Variants in CDH23 observed in about 807,000 individuals in gnomAD.
CDH23 encodes the protein cadherin related 23, also known as cadherin-23.
Under a neutral mutation model 317.1 loss-of-function variants are expected in CDH23, and 189 were observed. The observed-to-expected ratio is 0.60, with a 90% CI of 0.53 to 0.67. CDH23 has a LOEUF of 0.67. Among genes scored for constraint, CDH23 ranks in the 30% least tolerant of loss-of-function variants. The probability of loss-of-function intolerance (pLI) is 0.00; values close to 1 mark genes in which losing one functional copy is unlikely to be tolerated. For missense variants in CDH23, 4,401 were observed against 4,592.4 expected (o/e 0.96, Z 1.20); for synonymous variants, 1,839 against 1,876.8 (o/e 0.98, Z 0.52).
chr10:71,760,231 G>A (rs1384652301), intron 38 of CDH23, among the ~76,000 whole-genome samples: 1 of 22,036 alleles, frequency 4.5e-5, no homozygotes, highest in Admixed American at 3.8e-4. Context: ...GTATATATAT[G>A]TATATACATA....
intron 41 of CDH23, among the ~76,000 whole-genome samples, chr10:71,780,803 G>A (rs12245631): frequency 0.011 from 1,633 of 152,316 alleles, 33 homozygotes; most frequent in African/African-American, 0.038. Flanking sequence ...ATGGGAACCT[G>A]CTGCAATCAC....
At chr10:71,811,665 A>G (rs1165923068) in intron 64 of CDH23, 48 bp from the exon 65 acceptor site, 1 of 1,613,610 alleles carries the variant, frequency 6.2e-7, no homozygotes, top group Non-Finnish European at 8.5e-7. Context: ...GCAGGGCCTG[A>G]GACGTCAGCT....
At chr10:71,707,407 G>A (rs1865833255) in intron 26 of CDH23, 2 of 1,323,554 alleles carry the variant, frequency 1.5e-6, no homozygotes, top group Non-Finnish European at 9.7e-7. Context: ...CAGTGACTTG[G>A]AGGAATGTGG....
At chr10:71,422,069 G>C (rs1406667099) in intron 1 of CDH23, among the ~76,000 whole-genome samples, 5 of 152,226 alleles carry the variant, frequency 3.3e-5, no homozygotes, top group Non-Finnish European at 5.9e-5. Flanking sequence ...ACAACAGTTA[G>C]ATGAGGAGCC....
rs778204366 is a variant in CDH23, at chr10:71,734,663, G to A, written c.4209+5G>A. On this transcript the variant is annotated splice_donor_5th_base_variant and intron_variant, in intron 34 of 69. Transcript: ENST00000224721. ...TGCTGCCTCTGCCTACAGAAGGTGA[G>A]TAGCCTGTGGCTGGAGCTTCCCCTG... 1 of 1,443,976 alleles carries A rather than the reference G, an allele frequency of 6.9e-7. No individual in the cohort carries two copies. Among genetic ancestry groups the A allele is most frequent in the Admixed American group, 1.8e-5 (1 of 55,024 alleles). The allele number at this position is 1,443,976 out of a possible 1,614,324, so 89.4% of individuals were successfully genotyped here. A position where few individuals can be genotyped will look rare whatever the true frequency, so the allele number is the denominator to read the frequency against.
intron 38 of CDH23, among the ~76,000 whole-genome samples, chr10:71,766,433 G>A (rs1840546322): frequency 6.6e-6 from 1 of 152,130 alleles, no homozygotes; most frequent in Non-Finnish European, 1.5e-5. Context: ...ACCTGGGAAA[G>A]CCTGAGTCTC....
In CDH23 at chr10:71,478,471, C is replaced by T. The variant is rs79449590; in HGVS notation, c.146-31611C>T. On this transcript the variant is annotated intron_variant, in intron 3 of 69. Transcript: ENST00000224721. Reference sequence around the variant, plus strand: ...TTCCTGCACTGCCATGGCCCCTTCCCCTGTCACAGGGAGTTGTCCCCCTCG... The same window carrying T: ...TTCCTGCACTGCCATGGCCCCTTCCTCTGTCACAGGGAGTTGTCCCCCTCG... Among the ~76,000 whole-genome samples, 1,100 of 152,322 alleles carry T rather than the reference C, an allele frequency of 7.2e-3. 14 individuals carry two copies. The highest frequency in any genetic ancestry group is 0.025 in the African/African-American group (1,047 of 41,570).
chr10:71,732,462 T>G, intron 32 of CDH23, 87 bp downstream of exon 32: 1 of 1,522,040 alleles, frequency 6.6e-7, no homozygotes, highest in Non-Finnish European at 8.8e-7. Context: ...ACTCTCCTCT[T>G]TGTCATAAAA....
intron 6 of CDH23, among the ~76,000 whole-genome samples, chr10:71,529,193 G>A (rs1375784249): frequency 6.6e-6 from 1 of 152,172 alleles, no homozygotes; most frequent in African/African-American, 2.4e-5. Flanking sequence ...AAGCTCCCAG[G>A]CGATGCCAGT....
At chr10:71,648,195 C>T (rs1862988959) in intron 14 of CDH23, among the ~76,000 whole-genome samples, 1 of 152,228 alleles carries the variant, frequency 6.6e-6, no homozygotes, top group Non-Finnish European at 1.5e-5. Context: ...CCAGCTTTCA[C>T]CAAGGTGCTC....
intron 14 of CDH23, among the ~76,000 whole-genome samples, chr10:71,659,665 T>C (rs960715155): frequency 1.3e-5 from 2 of 152,206 alleles, no homozygotes; most frequent in African/African-American, 4.8e-5. Context: ...TAATACACTC[T>C]AGTGTTTTCT....
intron 1 of CDH23, among the ~76,000 whole-genome samples, chr10:71,427,012 A>T (rs1849105956): frequency 6.6e-6 from 1 of 151,844 alleles, no homozygotes; most frequent in African/African-American, 2.4e-5. Flanking sequence ...TTAGCTAGGC[A>T]TAGTGGCACG....
chr10:71,494,274 A>G (rs1852831008), intron 3 of CDH23, among the ~76,000 whole-genome samples: 1 of 152,156 alleles, frequency 6.6e-6, no homozygotes. Flanking sequence ...ATTTTGTGCC[A>G]TGGCTTTTAC....
chr10:71,431,843 C>T (rs955010321), intron 1 of CDH23, among the ~76,000 whole-genome samples: 9 of 152,196 alleles, frequency 5.9e-5, no homozygotes, highest in African/African-American at 2.2e-4. Flanking sequence ...ACCTCCTGAC[C>T]GGGCTGCAGG....
chr10:71,770,238 C>T (rs901430679), intron 38 of CDH23, among the ~76,000 whole-genome samples: 1 of 152,228 alleles, frequency 6.6e-6, no homozygotes, highest in Admixed American at 6.5e-5. Flanking sequence ...GAGCCGGGTG[C>T]TGTGTTAAGT....
At chr10:71,524,510 T>A (rs1401484511) in intron 6 of CDH23, among the ~76,000 whole-genome samples, 2 of 152,146 alleles carry the variant, frequency 1.3e-5, no homozygotes, top group Non-Finnish European at 2.9e-5. Context: ...TGCTCAGGGC[T>A]ACTGGAGGAA....
At chr10:71,639,703 G>C (rs147334140) in intron 11 of CDH23, among the ~76,000 whole-genome samples, 1 of 152,174 alleles carries the variant, frequency 6.6e-6, no homozygotes, top group Admixed American at 6.5e-5. Context: ...TTGGGCCATC[G>C]TGTGGATTCT....
At chr10:71,688,602 G>A (rs796692530) in intron 19 of CDH23, among the ~76,000 whole-genome samples, 29 of 139,772 alleles carry the variant, frequency 2.1e-4, no homozygotes, top group South Asian at 1.2e-3. Context: ...GGAGTCAGGG[G>A]TGGTGGAGCC....
At chr10:71,707,656 C>A (rs935171187) in intron 26 of CDH23, 3 of 534,952 alleles carry the variant, frequency 5.6e-6, no homozygotes, top group African/African-American at 4.1e-5. Flanking sequence ...CATGGGTTTG[C>A]CATTCCTGGA....
Sources: allele counts gnomAD v4.1 joint callset (sites outside exome capture counted in the v4.1 genomes callset), GRCh38; gene constraint gnomAD v4.1.1; transcripts MANE v1.5; gene names NCBI Gene and HGNC (gene_info 2026-07-23, HGNC 2026-07-21).